Variants in EED observed in about 807,000 individuals in gnomAD.
EED encodes the protein polycomb protein EED.
A neutral mutation model predicts 61.0 loss-of-function variants in EED; 9 were observed. That is an observed-to-expected ratio of 0.15 (90% CI 0.09 to 0.26). The LOEUF is 0.26. EED is among the 10% of genes least tolerant of loss of function. EED has a pLI of 1.00. For missense variants in EED, 315 were observed against 542.3 expected (o/e 0.58, Z 4.16); for synonymous variants, 187 against 174.4 (o/e 1.07, Z -0.57).
rs760341445 is a variant in EED, at chr11:86,255,203, G to A, written c.361-19G>A. On this transcript the variant is annotated intron_variant, in intron 3 of 11. Transcript: ENST00000263360. ...TTCTATACTTGAGATGAAATTTACT[G>A]TATTTTTATTTTCATTAGGTTACCT... 272 of 1,585,520 alleles carry A rather than the reference G, an allele frequency of 1.7e-4. No individual in the cohort carries two copies. The highest frequency in any genetic ancestry group is 2.3e-4 in the Non-Finnish European group (265 of 1,160,238).
intron 10 of EED, 114 bp downstream of exon 10, chr11:86,277,252 T>C (rs1463408348): frequency 3.0e-6 from 3 of 983,954 alleles, no homozygotes; most frequent in Middle Eastern, 3.2e-4. Context: ...CCCTGATGTT[T>C]TGTATTGATT....
At chr11:86,260,138 G>A (rs1314646831) in intron 6 of EED, among the ~76,000 whole-genome samples, 1 of 152,182 alleles carries the variant, frequency 6.6e-6, no homozygotes, top group Admixed American at 6.5e-5. Context: ...CCTCTGGGGT[G>A]TTTATGTGAT....
intron 5 of EED, 83 bp downstream of exon 5, chr11:86,256,595 T>C (rs1168978682): frequency 3.1e-6 from 4 of 1,285,322 alleles, no homozygotes; most frequent in Non-Finnish European, 3.1e-6. Context: ...TTAAAACTAA[T>C]GGTATGAATG....
chr11:86,265,311 A>G (rs766239105), intron 7 of EED: 20 of 152,204 alleles, frequency 1.3e-4, no homozygotes, highest in Non-Finnish European at 2.9e-4. Flanking sequence ...ATACTCCTTC[A>G]ATAGAACTCT....
At chr11:86,278,138 A>G in intron 11 of EED, 147 bp downstream of exon 11, 1 of 1,346,064 alleles carries the variant, frequency 7.4e-7, no homozygotes, top group Non-Finnish European at 9.6e-7. Context: ...ATTCTTTTTT[A>G]TTCCAATAAT....
the EED span, chr11:86,284,683 T>C: frequency 6.6e-6 from 1 of 152,386 alleles, no homozygotes; most frequent in South Asian, 2.1e-4. Flanking sequence ...CTGTACTTCA[T>C]GAAGCCTATG....
the EED span, among the ~76,000 whole-genome samples, chr11:86,287,374 C>A: frequency 6.6e-6 from 1 of 152,220 alleles, no homozygotes; most frequent in Non-Finnish European, 1.5e-5. Context: ...TAGAAAATGA[C>A]TATCACTTTG....
chr11:86,268,349 A>G lies in EED; in HGVS notation c.861-107A>G, dbSNP rs1390937488. 3 of 643,104 alleles carry G rather than the reference A, an allele frequency of 4.7e-6. No individual in the cohort carries two copies. In the South Asian group the frequency reaches 6.8e-5, roughly 14 times the overall value. The allele number at this position is 643,104 out of a possible 1,614,324, so 39.8% of individuals were successfully genotyped here. On this transcript the variant is annotated intron_variant, in intron 8 of 11. Transcript: ENST00000263360. ...TATGTAGGAACACAGAGGAATTAATAGTCTTACATTTTGTTTTTCCAAGTT... is the reference window on the plus strand; with the variant it reads ...TATGTAGGAACACAGAGGAATTAATGGTCTTACATTTTGTTTTTCCAAGTT...
At chr11:86,255,656 AATG>A (rs1248161554) in intron 4 of EED, among the ~76,000 whole-genome samples, 1 of 152,138 alleles carries the variant, frequency 6.6e-6, no homozygotes, top group East Asian at 1.9e-4. Flanking sequence ...TTGTAGTTAT[AATG>A]ATGAACTTGG....
intron 3 of EED, among the ~76,000 whole-genome samples, chr11:86,253,621 G>T (rs1483404104): frequency 6.6e-6 from 1 of 152,128 alleles, no homozygotes; most frequent in African/African-American, 2.4e-5. Flanking sequence ...GCCATATAAA[G>T]AATTTTTTTT....
Position 86,245,244 on chromosome 11 carries a change from A to G in EED, c.15A>G (p.Glu5=). The G allele has an allele frequency of 6.2e-7, 1 of 1,612,596 alleles. No homozygotes were observed. The highest frequency in any genetic ancestry group is 8.5e-7 in the Non-Finnish European group (1 of 1,179,362). ...GGCGGAGGAATATGTCCGAGAGGGA[A>G]GTGTCGACTGCGCCGGCGGGAACAG... is the stretch of plus-strand genomic sequence containing the variant. MSER[E]VSTAPAGTDM... The change falls in exon 1 of 12, where the codon GAA becomes GAG. Residue 5 remains glutamate (E), a synonymous_variant. Coordinates refer to ENST00000263360, the MANE Select transcript of EED (RefSeq NM_003797.5).
chr11:86,270,115 A>G, intron 9 of EED: 1 of 700,940 alleles, frequency 1.4e-6, no homozygotes, highest in South Asian at 1.5e-5. Context: ...CCCACCAGCA[A>G]TGTATGAGAG....
chr11:86,256,125 ATTT>A (rs1945666112), intron 4 of EED, among the ~76,000 whole-genome samples: 1 of 152,174 alleles, frequency 6.6e-6, no homozygotes, highest in Non-Finnish European at 1.5e-5. Context: ...TTCTGCAGTT[ATTT>A]TGGTACTGCA....
At chr11:86,278,300 T>C in intron 11 of EED, 99 bp from the exon 12 acceptor site, 1 of 1,477,666 alleles carries the variant, frequency 6.8e-7, no homozygotes. Context: ...GCTTTTCGTA[T>C]GACTTGGAAC....
chr11:86,256,557 A>G, intron 5 of EED, 45 bp downstream of exon 5: 1 of 1,484,680 alleles, frequency 6.7e-7, no homozygotes, highest in Non-Finnish European at 9.0e-7. Context: ...TTTTGAATCC[A>G]CAACTGTAAA....
At chr11:86,255,468 A>G (rs1945645097) in intron 4 of EED, among the ~76,000 whole-genome samples, 181 bp downstream of exon 4, 2 of 152,336 alleles carry the variant, frequency 1.3e-5, no homozygotes, top group South Asian at 2.1e-4. Context: ...CCATTGTGGT[A>G]TGTGTCAACT....
chr11:86,246,779 T>A (rs1175168255), intron 1 of EED, among the ~76,000 whole-genome samples: 1 of 152,206 alleles, frequency 6.6e-6, no homozygotes, highest in Non-Finnish European at 1.5e-5. Flanking sequence ...AGATGCTGGA[T>A]CCAAGTGATA....
rs1945346610 is a variant in EED, at chr11:86,244,984, T to G, written c.-246T>G. On this transcript the variant is annotated 5_prime_UTR_variant, in exon 1 of 12. Coordinates refer to ENST00000263360, the MANE Select transcript of EED (RefSeq NM_003797.5). ...CGGCGGGAAAAGGGCAAGACGGGAG[T>G]TGGGGAAGGGAAGGAGCCAGGAAGC... is the stretch of plus-strand genomic sequence containing the variant. The G allele has an allele frequency of 5.3e-5, 20 of 377,282 alleles. No homozygotes were observed. The highest frequency in any genetic ancestry group is 7.7e-5 in the South Asian group (2 of 26,122). 23.4% of individuals were successfully genotyped at this position (377,282 alleles called of 1,614,324 possible). A position where few individuals can be genotyped will look rare whatever the true frequency, so the allele number is the denominator to read the frequency against.
At chr11:86,266,609 A>G (rs1945987365) in intron 8 of EED, among the ~76,000 whole-genome samples, 2 of 152,158 alleles carry the variant, frequency 1.3e-5, no homozygotes, top group African/African-American at 2.4e-5. Context: ...TTCTAATTCA[A>G]GATGGTAAAC....
Sources: gnomAD v4.1 joint callset for allele counts (sites outside exome capture counted in the v4.1 genomes callset) on GRCh38, gnomAD v4.1.1 for gene constraint, MANE v1.5 for transcripts, NCBI Gene and HGNC (gene_info 2026-07-23, HGNC 2026-07-21) for gene names.